Variants in HS1BP3 observed in about 807,000 individuals in gnomAD.
HS1BP3 encodes HCLS1-binding protein 3.
A neutral mutation model predicts 33.5 loss-of-function variants in HS1BP3; 32 were observed. That is an observed-to-expected ratio of 0.95 (90% CI 0.72 to 1.28). The LOEUF (loss-of-function observed/expected upper bound fraction) is 1.28, where lower values mean the gene tolerates loss of function less well. HS1BP3 is among the 50% of genes most tolerant of loss of function. HS1BP3 has a pLI of 0.00. For synonymous variants in HS1BP3, 187 were observed against 209.2 expected, an observed-to-expected ratio of 0.89 and a Z score of 0.92; for missense variants, 486 against 502.3, an observed-to-expected ratio of 0.97 and a Z score of 0.31.
At chr2:20,612,340 G>A (rs909152749) in intron 2 of HS1BP3, among the ~76,000 whole-genome samples, 5 of 152,098 alleles carry the variant, frequency 3.3e-5, no homozygotes, top group East Asian at 1.9e-4. Context: ...TTTATATACC[G>A]TAAACATCAC....
chr2:20,579,294 C>T (rs1034471347), intron 5 of HS1BP3, among the ~76,000 whole-genome samples: 1 of 152,234 alleles, frequency 6.6e-6, no homozygotes, highest in Non-Finnish European at 1.5e-5. Flanking sequence ...CTATAGGGTG[C>T]CTCCGGGAAC....
At chr2:20,579,922 A>G (rs150972574) in intron 5 of HS1BP3, among the ~76,000 whole-genome samples, 4,124 of 152,386 alleles carry the variant, frequency 0.027, 59 homozygotes, top group Non-Finnish European at 0.031. Flanking sequence ...AAGGTTCTGC[A>G]TGTGATCTTT....
chr2:20,559,184 A>T (rs548636892), downstream of HS1BP3, among the ~76,000 whole-genome samples: 11 of 152,306 alleles, frequency 7.2e-5, no homozygotes, highest in African/African-American at 2.2e-4. Flanking sequence ...AGCTCACCCC[A>T]CAAAGCCCCA....
rs768447869 is a variant in HS1BP3 at position 20,640,678 on chromosome 2, G to A, written c.406+295C>T. The A allele has an allele frequency of 5.8e-4, 333 of 578,038 alleles. 1 individual carries two copies. Among genetic ancestry groups the A allele is most frequent in the Non-Finnish European group, 5.4e-4 (170 of 316,310 alleles). 35.8% of individuals were successfully genotyped at this position (578,038 alleles called of 1,614,324 possible). A position where few individuals can be genotyped will look rare whatever the true frequency, so the allele number is the denominator to read the frequency against. On this transcript the variant is annotated intron_variant, in intron 3 of 6. Transcript: ENST00000304031. ...TGTGGTGCATGGTCAGTCGGGGGGT[G>A]TCGGGCAAGCTCTAGGAATGGGGCT...
Position 20,619,016 on chromosome 2 carries a change from G to A in HS1BP3, c.1150C>T (p.Pro384Ser). 2 of 1,614,130 alleles carry A rather than the reference G, an allele frequency of 1.2e-6. No individual in the cohort carries two copies. The highest frequency in any genetic ancestry group is 1.7e-5 in the Admixed American group (1 of 60,016). The change falls in exon 7 of 7, where the codon CCA becomes TCA. Residue 384 changes from proline (P) to serine (S), a missense_variant. By Grantham distance (74) the Pro-to-Ser change is moderately conservative (BLOSUM62 -1). Coordinates refer to ENST00000304031, the MANE Select transcript of HS1BP3 (RefSeq NM_022460.4). ...ILQYIQDHDT[P>S]AQAAPSLF is the part of the protein sequence containing the mutation. Reference sequence around the variant, plus strand: ...AAGAGGCTGGGGGCGGCCTGGGCTGGTGTATCGTGGTCCTGGATGTACTGC... The same window carrying A: ...AAGAGGCTGGGGGCGGCCTGGGCTGATGTATCGTGGTCCTGGATGTACTGC...
At position 20,649,002 on chromosome 2, in the gene HS1BP3, G is replaced by A. The variant is rs114608196; in HGVS notation, c.32+2030C>T. On this transcript the variant is annotated intron_variant, in intron 1 of 6. Transcript: ENST00000304031. ...GAACCCAAACATTTCTCACCCTCAC[G>A]GCCGCCATCACCCCGGGCCAAGCCA... 6.3e-3 allele frequency among the ~76,000 whole-genome samples: 954 copies of A among 152,202 alleles called. 16 individuals carry two copies. The highest frequency in any genetic ancestry group is 0.022 in the African/African-American group (900 of 41,532).
At chr2:20,585,225 G>A (rs1334006473) in intron 5 of HS1BP3, among the ~76,000 whole-genome samples, 1 of 152,166 alleles carries the variant, frequency 6.6e-6, no homozygotes, top group African/African-American at 2.4e-5. Flanking sequence ...TGCAGCTGTG[G>A]AGAGAGCTCA....
intron 4 of HS1BP3, among the ~76,000 whole-genome samples, chr2:20,629,065 G>A (rs1187006530): frequency 6.6e-6 from 1 of 152,170 alleles, no homozygotes; most frequent in Non-Finnish European, 1.5e-5. Context: ...AGGCAAACGT[G>A]CTTATACATC....
At chr2:20,650,810 A>G (rs1695671645) in intron 1 of HS1BP3, among the ~76,000 whole-genome samples, 1 of 152,136 alleles carries the variant, frequency 6.6e-6, no homozygotes, top group South Asian at 2.1e-4. Context: ...GTCCTTGGCT[A>G]GTTCTCTACC....
intron 1 of HS1BP3, 143 bp from the exon 2 acceptor site, chr2:20,645,648 G>T: frequency 3.8e-6 from 3 of 794,390 alleles, no homozygotes; most frequent in Non-Finnish European, 3.8e-6. Context: ...ACTGCTCCAG[G>T]CCACCCATCC....
chr2:20,562,289 G>A (rs560132334), intron 5 of HS1BP3, among the ~76,000 whole-genome samples: 1 of 152,020 alleles, frequency 6.6e-6, no homozygotes, highest in Non-Finnish European at 1.5e-5. Context: ...CACCAGCCTG[G>A]GCAACATAGC....
At chr2:20,562,098 A>G (rs1481882448) in intron 5 of HS1BP3, among the ~76,000 whole-genome samples, 5 of 152,160 alleles carry the variant, frequency 3.3e-5, no homozygotes, top group Non-Finnish European at 4.4e-5. Context: ...CAAGGCATGG[A>G]GGCTCCATGC....
At chr2:20,616,871 T>C (rs1694438664), downstream of HS1BP3, among the ~76,000 whole-genome samples, 1 of 152,026 alleles carries the variant, frequency 6.6e-6, no homozygotes, top group Non-Finnish European at 1.5e-5. Flanking sequence ...GCGACAAGGA[T>C]CATTGATTGG....
intron 2 of HS1BP3, among the ~76,000 whole-genome samples, chr2:20,644,876 C>T (rs1342563158): frequency 1.3e-5 from 2 of 152,294 alleles, no homozygotes; most frequent in East Asian, 1.9e-4. Context: ...CTTCATCTTC[C>T]CCGCTTCCTC....
intron 3 of HS1BP3, among the ~76,000 whole-genome samples, chr2:20,594,404 C>G (rs1227669015): frequency 1.3e-5 from 2 of 152,214 alleles, no homozygotes; most frequent in Non-Finnish European, 2.9e-5. Context: ...TTTGAGCTTA[C>G]TTTGGTGCAT....
At chr2:20,630,716 C>T (rs1322571613) in intron 4 of HS1BP3, among the ~76,000 whole-genome samples, 1 of 152,184 alleles carries the variant, frequency 6.6e-6, no homozygotes, top group African/African-American at 2.4e-5. Flanking sequence ...AGGCACTAAC[C>T]CTGGGAGTCC....
chr2:20,593,181 C>A (rs886235959), intron 3 of HS1BP3, among the ~76,000 whole-genome samples: 10 of 151,940 alleles, frequency 6.6e-5, no homozygotes, highest in African/African-American at 2.4e-4. Flanking sequence ...CCATCAGCAT[C>A]GTCAGGTTTA....
chr2:20,570,853 A>G (rs994221037), intron 5 of HS1BP3, among the ~76,000 whole-genome samples: 8 of 152,156 alleles, frequency 5.3e-5, no homozygotes, highest in Non-Finnish European at 1.2e-4. Context: ...TGTTGCATAA[A>G]GGGTCACTGT....
intron 5 of HS1BP3, among the ~76,000 whole-genome samples, chr2:20,563,184 C>T (rs532785037): frequency 6.6e-6 from 1 of 152,362 alleles, no homozygotes; most frequent in Non-Finnish European, 1.5e-5. Flanking sequence ...ACCTCTCCCC[C>T]ATGTCCTTGC....
Sources: gnomAD v4.1 joint callset for allele counts (sites outside exome capture counted in the v4.1 genomes callset) on GRCh38, gnomAD v4.1.1 for gene constraint, MANE v1.5 for transcripts, NCBI Gene and HGNC (gene_info 2026-07-23, HGNC 2026-07-21) for gene names.